PER2: variants seen among roughly 807,000 people sequenced by gnomAD.
PER2 encodes the protein period circadian regulator 2.
PER2 carries 66 observed loss-of-function variants against 121.0 expected under a neutral mutation model. The ratio of observed to expected loss-of-function variants is 0.55; its 90% CI spans 0.45 to 0.67. The LOEUF (loss-of-function observed/expected upper bound fraction) is 0.67, where lower values mean the gene tolerates loss of function less well. Ranked by LOEUF, PER2 falls within the 30% of genes least tolerant of loss-of-function variation. The pLI is 0.00. For missense variants in PER2, 1,521 were observed against 1,635.0 expected (o/e 0.93, Z 1.20); for synonymous variants, 684 against 659.9 (o/e 1.04, Z -0.56).
At chr2:238,267,194 G>A (rs1448221133) in intron 8 of PER2, among the ~76,000 whole-genome samples, 10 of 152,196 alleles carry the variant, frequency 6.6e-5, no homozygotes, top group Admixed American at 6.5e-4. Context: ...GACTCGCTCA[G>A]CAGCCAAGGT....
At chr2:238,284,313 G>A (rs1696718641) in intron 1 of PER2, among the ~76,000 whole-genome samples, 1 of 151,882 alleles carries the variant, frequency 6.6e-6, no homozygotes, top group South Asian at 2.1e-4. Flanking sequence ...GTCATGGTGT[G>A]TGCCTGTAGT....
rs1695638440 is a variant in PER2 at position 238,252,645 on chromosome 2, A to C, written c.3111+267T>G. 6.6e-6 allele frequency among the ~76,000 whole-genome samples: 1 copy of C among 152,212 alleles called. No individual in the cohort carries two copies. Among genetic ancestry groups the C allele is most frequent in the East Asian group, 1.9e-4 (1 of 5,206 alleles). Reference sequence around the variant, plus strand: ...AAAGTCGAAGCCCACAAATACTGTCAAGTCACATGCTGCTTTCTGGAGTCT... The same window carrying C: ...AAAGTCGAAGCCCACAAATACTGTCCAGTCACATGCTGCTTTCTGGAGTCT... On this transcript the variant is annotated intron_variant, in intron 19 of 22. Transcript: ENST00000254657. This position sits in a 1 kb window ranked among gnomAD's most constrained non-coding sequence, Gnocchi z 4.2.
intron 19 of PER2, 119 bp from the exon 20 acceptor site, chr2:238,251,880 T>C: frequency 1.2e-6 from 1 of 867,916 alleles, no homozygotes; most frequent in Non-Finnish European, 1.9e-6. Context: ...GTGGAGCGGC[T>C]GCAAGGTTCA....
chr2:238,259,006 C>A (rs1214263294), intron 14 of PER2, among the ~76,000 whole-genome samples: 2 of 152,186 alleles, frequency 1.3e-5, no homozygotes, highest in African/African-American at 4.8e-5. Flanking sequence ...TGGGCCAGGC[C>A]AGTGTTTTCA....
rs1465225909 is a variant in PER2 at position 238,275,657 on chromosome 2, G to T, written c.448+86C>A. 4 of 1,454,218 alleles carry T rather than the reference G, an allele frequency of 2.8e-6. No individual in the cohort carries two copies. The East Asian group carries it at 6.8e-5, about 25-fold the overall frequency. The allele number at this position is 1,454,218 out of a possible 1,614,324, so 90.1% of individuals were successfully genotyped here. ...GAGCTGCGATGAGCCTCGAGTTTTA[G>T]AAAGTCAACACAATCCAAGCTATAA... On this transcript the variant is annotated intron_variant, in intron 4 of 22. Transcript: ENST00000254657.
chr2:238,279,838 G>T (rs11892306), intron 1 of PER2, among the ~76,000 whole-genome samples: 56,978 of 151,910 alleles, frequency 0.38, 11,662 homozygotes, highest in African/African-American at 0.54. Context: ...AGGTGCGTCC[G>T]GCTGCTTGTC....
intron 16 of PER2, 124 bp downstream of exon 16, chr2:238,258,152 T>C: frequency 9.1e-7 from 1 of 1,099,942 alleles, no homozygotes; most frequent in Non-Finnish European, 1.4e-6. Flanking sequence ...TTTGAACTAC[T>C]TTCATCATTT....
intron 1 of PER2, among the ~76,000 whole-genome samples, chr2:238,281,395 G>T (rs1028267492): frequency 1.3e-5 from 2 of 152,162 alleles, no homozygotes; most frequent in African/African-American, 4.8e-5. Flanking sequence ...TACATAGCTG[G>T]TTTTATCAAC....
intron 1 of PER2, among the ~76,000 whole-genome samples, chr2:238,279,004 G>C (rs1229227351): frequency 1.3e-5 from 2 of 151,924 alleles, no homozygotes; most frequent in African/African-American, 4.8e-5. Flanking sequence ...TGAAATTAGA[G>C]ACAGACCAGC....
chr2:238,260,888 A>C lies in PER2; in HGVS notation c.1482T>G (p.Leu494=), dbSNP rs773265232. The change falls in exon 13 of 23, where the codon CTT becomes CTG. Residue 494 remains leucine, a synonymous_variant. Coordinates refer to ENST00000254657, the MANE Select transcript of PER2 (RefSeq NM_022817.3). ...SLGSNGSHEH[L]MSQTSSSDSN... The stretch of plus-strand genomic sequence containing the variant: ...TGTCGCTGGAGGAGGTCTGGCTCAT[A>C]AGGTGCTCGTGGGACCCGTTGCTGC... The C allele has an allele frequency of 5.6e-5, 91 of 1,613,894 alleles. No individual in the cohort carries two copies. Among genetic ancestry groups the C allele is most frequent in the South Asian group, 2.2e-5 (2 of 91,088 alleles).
chr2:238,270,642 G>C (rs1482835564), intron 6 of PER2, among the ~76,000 whole-genome samples: 1 of 152,274 alleles, frequency 6.6e-6, no homozygotes, highest in African/African-American at 2.4e-5. Context: ...CACCGGCAGA[G>C]GCCCAGAGGC....
chr2:238,271,163 T>C, intron 6 of PER2, 149 bp downstream of exon 6: 3 of 761,436 alleles, frequency 3.9e-6, no homozygotes, highest in Non-Finnish European at 7.2e-6. Flanking sequence ...CTGCTTATCC[T>C]TTACCTTTGC....
chr2:238,253,556 GC>G lies in PER2; in HGVS notation c.2466del (p.Leu823TrpfsTer4). On this transcript the variant is annotated frameshift_variant, in exon 19 of 23. Coordinates refer to ENST00000254657, the MANE Select transcript of PER2 (RefSeq NM_022817.3). LOFTEE classifies it high-confidence loss of function. This position sits in a 1 kb window ranked among gnomAD's most constrained non-coding sequence, Gnocchi z 5.6. The part of the protein sequence containing the change: ...GSGGPVSARP[P>X]LVGLNATAWS... ...CAGGCTGTGGCGTTCAAGCCCACCA[GC>G]GGGGGCCGGGCGGACACGGGCCCCC... is the stretch of plus-strand genomic sequence containing the variant. The G allele has an allele frequency of 6.2e-7, 1 of 1,611,010 alleles. No homozygotes were observed. The highest frequency in any genetic ancestry group is 8.5e-7 in the Non-Finnish European group (1 of 1,178,870).
chr2:238,254,132 G>C (rs1371352808), intron 18 of PER2: 6 of 250,438 alleles, frequency 2.4e-5, no homozygotes, highest in Non-Finnish European at 4.7e-5. Flanking sequence ...CAATTTATAA[G>C]CACTGTCACT....
Position 238,265,562 on chromosome 2 carries a change from A to T in PER2, c.996T>A (p.Ile332=). 6.2e-7 allele frequency: 1 copy of T among 1,610,898 alleles called. No homozygotes were observed. ...AATTTGGTGTATGGGTGGTTGTAAA[A>T]ATTCTCTTTTCAGGAGGAATTCTAG... ...EAPRIPPEKR[I]FTTTHTPNCL... Residue 332 remains isoleucine, a synonymous_variant, in exon 9 of 23, where the codon ATT becomes ATA. Coordinates refer to ENST00000254657, the MANE Select transcript of PER2 (RefSeq NM_022817.3).
At chr2:238,250,859 T>C in intron 20 of PER2, 116 bp from the exon 21 acceptor site, 2 of 723,638 alleles carry the variant, frequency 2.8e-6, no homozygotes, top group Non-Finnish European at 4.9e-6. Flanking sequence ...TCTTAGGTAT[T>C]GGGTATCTAT....
chr2:238,256,676 G>A (rs981108184), intron 17 of PER2, among the ~76,000 whole-genome samples: 2 of 152,152 alleles, frequency 1.3e-5, no homozygotes, highest in Non-Finnish European at 2.9e-5. Flanking sequence ...ACCCTCCTGC[G>A]TTGATGCCAG....
At chr2:238,291,712 G>A (rs145634787), upstream of PER2, among the ~76,000 whole-genome samples, 1,524 of 152,174 alleles carry the variant, frequency 0.01, 27 homozygotes, top group African/African-American at 0.034. Flanking sequence ...GCTGACCTAC[G>A]GCTGACCCCA....
At chr2:238,275,635 C>T (rs1182746686) in intron 4 of PER2, 108 bp downstream of exon 4, 1 of 1,236,274 alleles carries the variant, frequency 8.1e-7, no homozygotes, top group African/African-American at 1.5e-5. Context: ...CTGCAGTGAG[C>T]TGCGATGAGC....
Sources: allele counts gnomAD v4.1 joint callset (sites outside exome capture counted in the v4.1 genomes callset), GRCh38; gene constraint gnomAD v4.1.1; non-coding constraint Gnocchi (gnomAD v3.1); transcripts MANE v1.5; gene names NCBI Gene and HGNC (gene_info 2026-07-23, HGNC 2026-07-21).